LRRC59: variants seen among roughly 807,000 people sequenced by gnomAD.
The protein encoded by LRRC59 is leucine rich repeat containing 59.
Under a neutral mutation model 33.5 loss-of-function variants are expected in LRRC59, and 18 were observed. That is an observed-to-expected ratio of 0.54 (90% CI 0.37 to 0.80). LRRC59 has a LOEUF of 0.80. Ranked by LOEUF, LRRC59 falls within the 30% of genes least tolerant of loss-of-function variation. The probability of loss-of-function intolerance (pLI) is 0.00; values close to 1 mark genes in which losing one functional copy is unlikely to be tolerated. For missense variants in LRRC59, 330 were observed against 391.9 expected, an observed-to-expected ratio of 0.84 and a Z score of 1.33; for synonymous variants, 138 against 160.0, an observed-to-expected ratio of 0.86 and a Z score of 1.04.
intron 4 of LRRC59, among the ~76,000 whole-genome samples, chr17:50,388,478 C>A (rs143896302): frequency 8.9e-4 from 136 of 152,278 alleles, no homozygotes; most frequent in Middle Eastern, 3.4e-3. Flanking sequence ...AAGGTCAAGG[C>A]TGCAGTGAGC....
rs1028191419 is a variant in LRRC59 at position 50,381,378 on chromosome 17, T to C, written c.*1610A>G. 23 of 195,622 alleles carry C rather than the reference T, an allele frequency of 1.2e-4. No homozygotes were observed. Among genetic ancestry groups the C allele is most frequent in the Non-Finnish European group, 1.8e-4 (17 of 93,124 alleles). 12.1% of individuals were successfully genotyped at this position (195,622 alleles called of 1,614,324 possible). A position where few individuals can be genotyped will look rare whatever the true frequency, so the allele number is the denominator to read the frequency against. On this transcript the variant is annotated 3_prime_UTR_variant, in exon 7 of 7. Coordinates refer to ENST00000225972, the MANE Select transcript of LRRC59 (RefSeq NM_018509.4). ...AACCGGCCAAGGAACGGGATTATGA[T>C]GACTATGCGGACTTCTATATTGTCT...
At position 50,381,679 on chromosome 17, in the gene LRRC59, G is replaced by C. The variant is rs952446099; in HGVS notation, c.*1309C>G. On this transcript the variant is annotated 3_prime_UTR_variant, in exon 7 of 7. Transcript: ENST00000225972. ...TCCCTCCGGGGGAGCCAAGGAGCTT[G>C]CAACTGGGAGTTTGCAGTGAATGAG... 2 of 152,662 alleles carry C rather than the reference G, an allele frequency of 1.3e-5. No homozygotes were observed. Among genetic ancestry groups the C allele is most frequent in the Non-Finnish European group, 2.9e-5 (2 of 68,038 alleles). 9.5% of individuals were successfully genotyped at this position (152,662 alleles called of 1,614,324 possible).
intron 6 of LRRC59, among the ~76,000 whole-genome samples, chr17:50,383,774 TG>T (rs1913936139): frequency 6.6e-6 from 1 of 151,998 alleles, no homozygotes; most frequent in South Asian, 2.1e-4. Flanking sequence ...TTCTTTGCAA[TG>T]AACATATGTT....
chr17:50,391,326 T>C (rs903656789), intron 4 of LRRC59, among the ~76,000 whole-genome samples: 1 of 152,364 alleles, frequency 6.6e-6, no homozygotes, highest in East Asian at 1.9e-4. Context: ...GACAAGATTA[T>C]ATAAGAAGCC....
chr17:50,392,902 G>C lies in LRRC59; in HGVS notation c.166-5C>G, dbSNP rs1328206513. On this transcript the variant is annotated splice_region_variant and splice_polypyrimidine_tract_variant and intron_variant, in intron 2 of 6. Coordinates refer to ENST00000225972, the MANE Select transcript of LRRC59 (RefSeq NM_018509.4). ...TGTGAGGCCACAGAAATCCGACTAG[G>C]ATCCAAAGAGAGAACCTAAGCTAGG... 3 of 1,611,136 alleles carry C rather than the reference G, an allele frequency of 1.9e-6. No homozygotes were observed. The highest frequency in any genetic ancestry group is 2.5e-6 in the Non-Finnish European group (3 of 1,177,568).
intron 5 of LRRC59, among the ~76,000 whole-genome samples, chr17:50,387,104 C>A (rs1433307193): frequency 6.8e-6 from 1 of 147,364 alleles, no homozygotes; most frequent in African/African-American, 2.5e-5. Context: ...GGCAACAGAG[C>A]GAGACTCTGT....
chr17:50,397,270 G>T lies in LRRC59; in HGVS notation c.48C>A (p.Asp16Glu). 2 of 1,609,074 alleles carry T rather than the reference G, an allele frequency of 1.2e-6. No individual in the cohort carries two copies. Among genetic ancestry groups the T allele is most frequent in the Non-Finnish European group, 1.7e-6 (2 of 1,178,100 alleles). Residue 16 changes from aspartate (D) to glutamate (E), a missense_variant, in exon 1 of 7, where the codon GAC becomes GAA. By Grantham distance (45) the Asp-to-Glu change is conservative. Coordinates refer to ENST00000225972, the MANE Select transcript of LRRC59 (RefSeq NM_018509.4). The part of the protein sequence containing the change: ...SKGGNLRDKL[D>E]GNELDLSLSD... ...TGAGGCTCAGGTCCAGTTCGTTGCC[G>T]TCCAGCTTGTCGCGGAGGTTCCCGC...
chr17:50,395,581 T>C (rs1477176185), intron 1 of LRRC59, among the ~76,000 whole-genome samples: 1 of 152,174 alleles, frequency 6.6e-6, no homozygotes, highest in East Asian at 1.9e-4. Flanking sequence ...GCCTGAATCA[T>C]GACTGATCGA....
rs563571959 is a variant in LRRC59, at chr17:50,384,152, A to T, written c.677-917T>A. 3.3e-5 allele frequency among the ~76,000 whole-genome samples: 5 copies of T among 151,946 alleles called. No homozygotes were observed. The South Asian group carries it at 1.0e-3, about 32-fold the overall frequency. ...TAACGAAATTCAACCATAGTCAGGT[A>T]AAACACAAAAATGTGTTTTCTATAC... On this transcript the variant is annotated intron_variant, in intron 6 of 6. Coordinates refer to ENST00000225972, the MANE Select transcript of LRRC59 (RefSeq NM_018509.4).
chr17:50,392,807 T>G lies in LRRC59; in HGVS notation c.256A>C (p.Asn86His), dbSNP rs1417538585. The part of the protein sequence containing the change: ...QLPADFGRLV[N>H]LQHLDLLNNK... Reference sequence around the variant, plus strand: ...TTGAGGAGATCCAGGTGCTGGAGGTTGACCAGACGGCCAAAGTCTGCTGGC... The same window carrying G: ...TTGAGGAGATCCAGGTGCTGGAGGTGGACCAGACGGCCAAAGTCTGCTGGC... The change falls in exon 3 of 7, where the codon AAC becomes CAC. Residue 86 changes from asparagine to histidine, a missense_variant. By Grantham distance (68) the Asn-to-His change is moderately conservative. Coordinates refer to ENST00000225972, the MANE Select transcript of LRRC59 (RefSeq NM_018509.4). 6.2e-7 allele frequency: 1 copy of G among 1,614,178 alleles called. No individual in the cohort carries two copies. The highest frequency in any genetic ancestry group is 8.5e-7 in the Non-Finnish European group (1 of 1,180,020).
intron 5 of LRRC59, among the ~76,000 whole-genome samples, chr17:50,385,506 G>A (rs900361014): frequency 5.9e-5 from 9 of 152,182 alleles, no homozygotes; most frequent in African/African-American, 1.9e-4. Context: ...TTCTGATTAC[G>A]AGGTTCCTAT....
At chr17:50,387,972 C>A in intron 5 of LRRC59, 88 bp downstream of exon 5, 1 of 1,325,174 alleles carries the variant, frequency 7.5e-7, no homozygotes, top group Non-Finnish European at 1.1e-6. Context: ...TTCATGACTA[C>A]TCTACTGGAT....
At chr17:50,388,204 T>G in intron 4 of LRRC59, 72 bp from the exon 5 acceptor site, 1 of 1,363,608 alleles carries the variant, frequency 7.3e-7, no homozygotes, top group Admixed American at 1.7e-5. Context: ...AAAAACAGAC[T>G]ATTTTCAGGC....
At chr17:50,389,238 G>T (rs1045106364) in intron 4 of LRRC59, among the ~76,000 whole-genome samples, 1 of 152,138 alleles carries the variant, frequency 6.6e-6, no homozygotes, top group African/African-American at 2.4e-5. Context: ...ACATAAACTC[G>T]CTCATGGATG....
chr17:50,397,512 G>A lies in LRRC59; in HGVS notation c.-195C>T, dbSNP rs1474171386. ...TAGCTCCCACCGGTGCCGCGACGAC[G>A]ACCACTTCCGTGTCCACGTCACCTT... On this transcript the variant is annotated 5_prime_UTR_variant, in exon 1 of 7. Coordinates refer to ENST00000225972, the MANE Select transcript of LRRC59 (RefSeq NM_018509.4). 4 of 502,788 alleles carry A rather than the reference G, an allele frequency of 8.0e-6. No individual in the cohort carries two copies. In the Admixed American group the frequency reaches 1.2e-4, roughly 15 times the overall value. 31.1% of individuals were successfully genotyped at this position (502,788 alleles called of 1,614,324 possible).
chr17:50,385,269 A>G lies in LRRC59; in HGVS notation c.525T>C (p.Ala175=). The change falls in exon 6 of 7, where the codon GCT becomes GCC. Residue 175 remains alanine (A), a synonymous_variant. Transcript: ENST00000225972. ...VEREAEKKRE[A]KQRAKEAQER... is the part of the protein sequence containing the mutation. ...CCTGAGCTTCCTTAGCTCGCTGCTT[A>G]GCCTCACGCTTCTTCTCTGCCTCTA... The G allele has an allele frequency of 6.2e-7, 1 of 1,613,922 alleles. No homozygotes were observed. Among genetic ancestry groups the G allele is most frequent in the Non-Finnish European group, 8.5e-7 (1 of 1,180,024 alleles).
chr17:50,381,447 T>C lies in LRRC59; in HGVS notation c.*1541A>G, dbSNP rs1184041426. ...TATGTATTTAGTTTCAATAAAGCAT[T>C]TGTACCAATGGCTCTGGAGCTTGGA... On this transcript the variant is annotated 3_prime_UTR_variant, in exon 7 of 7. Coordinates refer to ENST00000225972, the MANE Select transcript of LRRC59 (RefSeq NM_018509.4). 3 of 159,556 alleles carry C rather than the reference T, an allele frequency of 1.9e-5. No individual in the cohort carries two copies. Among genetic ancestry groups the C allele is most frequent in the Non-Finnish European group, 2.8e-5 (2 of 71,792 alleles). 9.9% of individuals were successfully genotyped at this position (159,556 alleles called of 1,614,324 possible).
rs1028096365 is a variant in LRRC59 at position 50,394,170 on chromosome 17, A to T, written c.165+759T>A. ...CAATGAGGACATTGCCAACTTCTGA[A>T]TTCGACCTCTGAGCCACAGCCAGGG... is the stretch of plus-strand genomic sequence containing the variant. On this transcript the variant is annotated intron_variant, in intron 2 of 6. Coordinates refer to ENST00000225972, the MANE Select transcript of LRRC59 (RefSeq NM_018509.4). Among the ~76,000 whole-genome samples the T allele has an allele frequency of 4.9e-4, 74 of 152,166 alleles. 1 individual carries two copies. The highest frequency in any genetic ancestry group is 1.6e-4 in the Non-Finnish European group (11 of 68,034).
intron 5 of LRRC59, 140 bp from the exon 6 acceptor site, chr17:50,385,431 C>T: frequency 1.1e-6 from 1 of 940,006 alleles, no homozygotes; most frequent in Non-Finnish European, 1.6e-6. Context: ...AAGGAAACAG[C>T]CATCCTTCTG....
Sources: gnomAD v4.1 joint callset for allele counts (sites outside exome capture counted in the v4.1 genomes callset) on GRCh38, gnomAD v4.1.1 for gene constraint, MANE v1.5 for transcripts, NCBI Gene and HGNC (gene_info 2026-07-23, HGNC 2026-07-21) for gene names.